The following KIAA1671 variants were observed in gnomAD, a reference collection of about 807,000 sequenced individuals.
The protein encoded by KIAA1671 is KIAA1671.
KIAA1671 carries 52 observed loss-of-function variants against 131.2 expected under a neutral mutation model. That is an observed-to-expected ratio of 0.40 (90% CI 0.32 to 0.50). The LOEUF (loss-of-function observed/expected upper bound fraction) is 0.50. Among genes scored for constraint, KIAA1671 ranks in the 20% least tolerant of loss-of-function variants. KIAA1671 has a pLI of 0.73. For missense variants in KIAA1671, 2,360 were observed against 2,364.2 expected, an observed-to-expected ratio of 1.00 and a Z score of 0.04; for synonymous variants, 1,003 against 961.6, an observed-to-expected ratio of 1.04 and a Z score of -0.80.
At chr22:25,066,481 C>T (rs1167258903) in intron 6 of KIAA1671, among the ~76,000 whole-genome samples, 1 of 152,304 alleles carries the variant, frequency 6.6e-6, no homozygotes, top group Non-Finnish European at 1.5e-5. Context: ...CAGTTCCACT[C>T]ATGAGGGTGG....
chr22:25,000,818 T>TC (rs1417547589), intron 1 of KIAA1671, among the ~76,000 whole-genome samples: 4 of 149,486 alleles, frequency 2.7e-5, no homozygotes. Context: ...GCACCTGGCT[T>TC]TTTTTTTTTT....
At chr22:25,177,966 CCTGGTGTGGCT>C in intron 9 of KIAA1671, among the ~76,000 whole-genome samples, 1 of 152,116 alleles carries the variant, frequency 6.6e-6, no homozygotes, top group Non-Finnish European at 1.5e-5. Context: ...TCCCGTGGTC[CCTGGTGTGGCT>C]CTGGAAGACG....
chr22:24,983,965 A>G (rs1280747472), intron 1 of KIAA1671, among the ~76,000 whole-genome samples: 5 of 151,670 alleles, frequency 3.3e-5, no homozygotes, highest in African/African-American at 1.2e-4. Context: ...TTTAGTAGAG[A>G]TGGGGTGTCT....
At chr22:25,176,174 T>C (rs924710553) in intron 8 of KIAA1671, 7 of 152,316 alleles carry the variant, frequency 4.6e-5, no homozygotes, top group African/African-American at 1.7e-4. Flanking sequence ...CACTTTCTGA[T>C]TTCCGTCTTT....
chr22:25,017,970 T>A (rs530574378), intron 1 of KIAA1671, among the ~76,000 whole-genome samples: 37 of 152,150 alleles, frequency 2.4e-4, no homozygotes, highest in Admixed American at 8.5e-4. Context: ...TAACCATGTT[T>A]ATCTCATGCC....
intron 1 of KIAA1671, among the ~76,000 whole-genome samples, chr22:24,981,523 TGGG>T (rs1292916105): frequency 6.6e-6 from 1 of 152,122 alleles, no homozygotes; most frequent in Non-Finnish European, 1.5e-5. Context: ...AGAAACTCCC[TGGG>T]GAGCTTCAGA....
chr22:24,960,080 C>T (rs1235760848), intron 1 of KIAA1671, among the ~76,000 whole-genome samples: 1 of 151,064 alleles, frequency 6.6e-6, no homozygotes, highest in African/African-American at 2.4e-5. Context: ...TGCAGTGAAT[C>T]GAGATCATAC....
Position 25,040,976 on chromosome 22 carries a change from G to C in KIAA1671, c.3846G>C (p.Glu1282Asp). ...FTPGLGKQLA[E>D]TLETAMGTKS... ...CTGGCTTAGGCAAGCAGCTGGCAGA[G>C]ACCTTGGAGACAGCCATGGGCACCA... Residue 1282 changes from glutamate (E) to aspartate (D), a missense_variant, in exon 5 of 13, where the codon GAG becomes GAC. By Grantham distance (45) the Glu-to-Asp change is conservative (BLOSUM62 2). This residue lies in a region of KIAA1671 where 1,161 missense variants were observed against 1,204.7 expected (regional missense o/e 0.96). Coordinates refer to ENST00000358431, the MANE Select transcript of KIAA1671 (RefSeq NM_001145206.2). The C allele has an allele frequency of 2.0e-6, 3 of 1,475,200 alleles. No individual in the cohort carries two copies. Among genetic ancestry groups the C allele is most frequent in the Non-Finnish European group, 2.7e-6 (3 of 1,112,702 alleles). The allele number at this position is 1,475,200 out of a possible 1,614,324, so 91.4% of individuals were successfully genotyped here. A position where few individuals can be genotyped will look rare whatever the true frequency, so the allele number is the denominator to read the frequency against.
chr22:24,971,219 G>A (rs566130825), intron 1 of KIAA1671, among the ~76,000 whole-genome samples: 3 of 152,270 alleles, frequency 2.0e-5, no homozygotes, highest in Non-Finnish European at 4.4e-5. Flanking sequence ...GCCTCCCAAA[G>A]TGCTGGGATT....
chr22:25,071,061 GC>G (rs1713523675), intron 6 of KIAA1671, among the ~76,000 whole-genome samples: 1 of 152,190 alleles, frequency 6.6e-6, no homozygotes. Flanking sequence ...CTGTGCCTGG[GC>G]AAGTTACTTC....
intron 1 of KIAA1671, among the ~76,000 whole-genome samples, chr22:24,973,631 A>T (rs1922756243): frequency 6.6e-6 from 1 of 151,556 alleles, no homozygotes; most frequent in Non-Finnish European, 1.5e-5. Flanking sequence ...CCTGACCTCA[A>T]GTGACCTGCC....
chr22:24,985,788 G>A (rs1436253079), intron 1 of KIAA1671, among the ~76,000 whole-genome samples: 1 of 151,898 alleles, frequency 6.6e-6, no homozygotes, highest in Non-Finnish European at 1.5e-5. Flanking sequence ...GGGAGAGAGA[G>A]AGAGAGAGAA....
At position 25,040,341 on chromosome 22, in the gene KIAA1671, T is replaced by G. The variant is rs1926841427; in HGVS notation, c.3211T>G (p.Leu1071Val). The change falls in exon 5 of 13, where the codon TTG becomes GTG. Residue 1071 changes from leucine (L) to valine (V), a missense_variant. Leu to Val is a conservative substitution (Grantham distance 32, BLOSUM62 1). Around this residue, in one of 3 missense-constraint regions of KIAA1671, gnomAD observed 1,161 missense variants for 1,204.7 expected, o/e 0.96. Coordinates refer to ENST00000358431, the MANE Select transcript of KIAA1671 (RefSeq NM_001145206.2). ...PSSPHSLTST[L>V]VSLGHEEALE... ...GTCTCCTCATTCTTTAACATCCACTTTGGTTTCTCTTGGTCATGAAGAGGC... is the reference window on the plus strand; with the variant it reads ...GTCTCCTCATTCTTTAACATCCACTGTGGTTTCTCTTGGTCATGAAGAGGC... 1.3e-6 allele frequency: 2 copies of G among 1,551,764 alleles called. No individual in the cohort carries two copies. Among genetic ancestry groups the G allele is most frequent in the African/African-American group, 1.4e-5 (1 of 73,166 alleles).
chr22:24,972,447 C>T (rs1307319891), intron 1 of KIAA1671, among the ~76,000 whole-genome samples: 1 of 152,178 alleles, frequency 6.6e-6, no homozygotes, highest in Non-Finnish European at 1.5e-5. Flanking sequence ...CATTCATCCA[C>T]TCATGCATGC....
At chr22:24,962,323 T>C (rs1434945567) in intron 1 of KIAA1671, among the ~76,000 whole-genome samples, 1 of 152,182 alleles carries the variant, frequency 6.6e-6, no homozygotes, top group East Asian at 1.9e-4. Flanking sequence ...AGTGTGCTTG[T>C]GCCCATTAAC....
At chr22:25,038,685 A>G (rs1053457140) in intron 4 of KIAA1671, 75 bp from the exon 5 acceptor site, 15 of 1,396,376 alleles carry the variant, frequency 1.1e-5, no homozygotes, top group African/African-American at 4.4e-5. Flanking sequence ...AGCCCTTTCA[A>G]TTACTCCACT....
chr22:25,112,303 G>A, intron 6 of KIAA1671: 1 of 398,962 alleles, frequency 2.5e-6, no homozygotes, highest in Non-Finnish European at 4.4e-6. Context: ...ACGAACGGAC[G>A]AGTGCAGAGT....
In KIAA1671 at chr22:25,003,588, A is replaced by G. The variant is rs189752452; in HGVS notation, c.-207-22045A>G. On this transcript the variant is annotated intron_variant, in intron 1 of 12. Transcript: ENST00000358431. ...CACTACGCCTGGCTAATTTTTTTGTATTTTTAGTAGAGACGGGGTTTCACT... is the reference window on the plus strand; with the variant it reads ...CACTACGCCTGGCTAATTTTTTTGTGTTTTTAGTAGAGACGGGGTTTCACT... Among the ~76,000 whole-genome samples, 158 of 151,298 alleles carry G rather than the reference A, an allele frequency of 1.0e-3. 5 individuals carry two copies. In the East Asian group the frequency reaches 0.028, roughly 27 times the overall value.
chr22:25,038,633 C>T, intron 4 of KIAA1671, 127 bp from the exon 5 acceptor site: 1 of 1,052,228 alleles, frequency 9.5e-7, no homozygotes, highest in Non-Finnish European at 1.3e-6. Flanking sequence ...TGTGTTCATT[C>T]TTTTCAATTT....
Sources: allele counts gnomAD v4.1 joint callset (sites outside exome capture counted in the v4.1 genomes callset), GRCh38; gene constraint gnomAD v4.1.1; regional missense constraint gnomAD v4.1.1; transcripts MANE v1.5; gene names NCBI Gene and HGNC (gene_info 2026-07-23, HGNC 2026-07-21).